Variants in CHSY3 observed in about 807,000 individuals in gnomAD.
The protein encoded by CHSY3 is chondroitin sulfate synthase 3.
In CHSY3, 35 loss-of-function variants were observed where a neutral mutation model predicts 67.2. The ratio of observed to expected loss-of-function variants is 0.52; its 90% CI spans 0.40 to 0.69. The LOEUF is 0.69. Among genes scored for constraint, CHSY3 ranks in the 30% least tolerant of loss-of-function variants. The probability of loss-of-function intolerance (pLI) is 0.00; values close to 1 mark genes in which losing one functional copy is unlikely to be tolerated. For synonymous variants in CHSY3, 474 were observed against 434.7 expected (o/e 1.09, Z -1.12); for missense variants, 1,069 against 1,138.5 (o/e 0.94, Z 0.88).
chr5:130,093,212 G>T (rs1458708522), intron 2 of CHSY3, among the ~76,000 whole-genome samples: 3 of 152,008 alleles, frequency 2.0e-5, no homozygotes, highest in Non-Finnish European at 4.4e-5. Flanking sequence ...AGATGAAAAA[G>T]GTATGAGTCA....
chr5:130,103,589 A>C (rs1282664687), intron 2 of CHSY3, among the ~76,000 whole-genome samples: 1 of 152,020 alleles, frequency 6.6e-6, no homozygotes, highest in East Asian at 1.9e-4. Flanking sequence ...TAAGAGAGGA[A>C]TATCTCACTG....
chr5:129,925,925 A>G (rs1761094098), intron 2 of CHSY3, among the ~76,000 whole-genome samples: 1 of 152,262 alleles, frequency 6.6e-6, no homozygotes, highest in South Asian at 2.1e-4. Context: ...ATGCATTTAT[A>G]TAAAGCATTT....
chr5:130,119,656 A>G (rs1767941434), intron 2 of CHSY3, among the ~76,000 whole-genome samples: 1 of 152,086 alleles, frequency 6.6e-6, no homozygotes, highest in African/African-American at 2.4e-5. Context: ...CTCAGCATTC[A>G]TGTCATTTCC....
intron 2 of CHSY3, among the ~76,000 whole-genome samples, chr5:130,053,576 T>C (rs1417701435): frequency 1.3e-5 from 2 of 152,188 alleles, no homozygotes; most frequent in Non-Finnish European, 2.9e-5. Context: ...TGTGTCTTGA[T>C]TGCAGACTTG....
At chr5:130,116,495 G>T (rs1483666571) in intron 2 of CHSY3, among the ~76,000 whole-genome samples, 6 of 152,198 alleles carry the variant, frequency 3.9e-5, no homozygotes, top group Non-Finnish European at 8.8e-5. Flanking sequence ...CAGTATTAAT[G>T]CTGTAACTTT....
intron 2 of CHSY3, among the ~76,000 whole-genome samples, chr5:130,163,582 C>G: frequency 6.6e-6 from 1 of 152,094 alleles, no homozygotes; most frequent in Admixed American, 6.5e-5. Context: ...TCGAGAAAAC[C>G]TATTTTTTCT....
At chr5:130,149,318 A>AG (rs1162303460) in intron 2 of CHSY3, among the ~76,000 whole-genome samples, 1 of 152,212 alleles carries the variant, frequency 6.6e-6, no homozygotes, top group Non-Finnish European at 1.5e-5. Context: ...ATGGTTCTGC[A>AG]GGCTTCACAG....
intron 2 of CHSY3, among the ~76,000 whole-genome samples, chr5:129,997,121 T>TAAA (rs35540828): frequency 6.9e-5 from 10 of 145,730 alleles, no homozygotes; most frequent in Admixed American, 1.4e-4. Flanking sequence ...TCAAAGCATT[T>TAAA]AAAAAAAAAA....
intron 2 of CHSY3, among the ~76,000 whole-genome samples, chr5:130,096,325 C>T (rs1272260992): frequency 6.6e-6 from 1 of 152,148 alleles, no homozygotes; most frequent in Non-Finnish European, 1.5e-5. Flanking sequence ...GCGCATGCTA[C>T]CATACCCAGC....
At chr5:129,934,238 A>G (rs578073698) in intron 2 of CHSY3, among the ~76,000 whole-genome samples, 134 of 152,320 alleles carry the variant, frequency 8.8e-4, no homozygotes, top group African/African-American at 3.1e-3. Context: ...GAGATAAAAT[A>G]TAATTCAAAT....
intron 2 of CHSY3, among the ~76,000 whole-genome samples, chr5:130,044,070 T>G (rs1055322314): frequency 5.9e-5 from 9 of 152,072 alleles, no homozygotes; most frequent in African/African-American, 2.2e-4. Flanking sequence ...TGCTGAAATA[T>G]GTAAATCTTC....
At chr5:129,972,937 CT>C (rs1762686659) in intron 2 of CHSY3, among the ~76,000 whole-genome samples, 2 of 152,110 alleles carry the variant, frequency 1.3e-5, no homozygotes, top group South Asian at 4.1e-4. Flanking sequence ...CCTGTCCCTT[CT>C]TACTTGATCT....
chr5:130,012,677 C>T (rs1038502823), intron 2 of CHSY3, among the ~76,000 whole-genome samples: 5 of 151,986 alleles, frequency 3.3e-5, no homozygotes, highest in Non-Finnish European at 7.4e-5. Flanking sequence ...GGGGAACTGC[C>T]CCCACAAACT....
chr5:130,020,451 ATATATATATATTTTTT>A (rs1484415355), intron 2 of CHSY3, among the ~76,000 whole-genome samples: 3,891 of 13,858 alleles, frequency 0.28, 166 homozygotes, highest in Admixed American at 0.33. Flanking sequence ...ATATATATAT[ATATATATATATTTTTT>A]TTTTTTTTTT....
At chr5:130,120,149 TCTC>T (rs886109959) in intron 2 of CHSY3, among the ~76,000 whole-genome samples, 2 of 152,122 alleles carry the variant, frequency 1.3e-5, no homozygotes, top group African/African-American at 2.4e-5. Context: ...AACTTTCACT[TCTC>T]CTCTTCTCAC....
At chr5:130,141,384 TG>T (rs897629260) in intron 2 of CHSY3, 15 of 381,026 alleles carry the variant, frequency 3.9e-5, no homozygotes, top group African/African-American at 3.2e-4. Context: ...GACAACAACC[TG>T]CTTGTCAAGT....
At chr5:130,153,599 C>T (rs958973425) in intron 2 of CHSY3, among the ~76,000 whole-genome samples, 20 of 152,242 alleles carry the variant, frequency 1.3e-4, no homozygotes, top group Non-Finnish European at 2.6e-4. Context: ...TCCTTGAAGG[C>T]AGGATTCTAC....
intron 2 of CHSY3, among the ~76,000 whole-genome samples, chr5:130,123,827 A>G (rs1266093440): frequency 6.6e-6 from 1 of 151,992 alleles, no homozygotes; most frequent in African/African-American, 2.4e-5. Context: ...GGAGGCTGAC[A>G]TGGGCGGATC....
At chr5:129,972,585 A>G (rs1172169346) in intron 2 of CHSY3, among the ~76,000 whole-genome samples, 1 of 151,648 alleles carries the variant, frequency 6.6e-6, no homozygotes, top group Non-Finnish European at 1.5e-5. Flanking sequence ...GAAAACAGCT[A>G]CTGGCCTGAT....
Sources: allele counts gnomAD v4.1 joint callset (sites outside exome capture counted in the v4.1 genomes callset), GRCh38; gene constraint gnomAD v4.1.1; transcripts MANE v1.5; gene names NCBI Gene and HGNC (gene_info 2026-07-23, HGNC 2026-07-21).